CACNB2: variants seen among roughly 807,000 people sequenced by gnomAD.
The protein encoded by CACNB2 is voltage-dependent L-type calcium channel subunit beta-2.
CACNB2 carries 42 observed loss-of-function variants against 73.3 expected under a neutral mutation model. The observed-to-expected ratio is 0.57, with a 90% CI of 0.45 to 0.74. The LOEUF (loss-of-function observed/expected upper bound fraction) is 0.74. CACNB2 is among the 30% of genes least tolerant of loss of function. CACNB2 has a pLI of 0.00. For synonymous variants in CACNB2, 348 were observed against 310.3 expected (o/e 1.12, Z -1.28); for missense variants, 940 against 853.0 (o/e 1.10, Z -1.27).
At chr10:18,264,591 A>C (rs755865471) in intron 2 of CACNB2, among the ~76,000 whole-genome samples, 1 of 152,072 alleles carries the variant, frequency 6.6e-6, no homozygotes, top group Non-Finnish European at 1.5e-5. Flanking sequence ...CTGTTTCTGA[A>C]TTTTATTCAA....
At chr10:18,192,635 T>G (rs2034453340) in intron 2 of CACNB2, among the ~76,000 whole-genome samples, 1 of 152,214 alleles carries the variant, frequency 6.6e-6, no homozygotes, top group South Asian at 2.1e-4. Flanking sequence ...TTAAGCAATT[T>G]CTTCCTATCC....
intron 3 of CACNB2, among the ~76,000 whole-genome samples, chr10:18,418,116 C>T (rs1361822299): frequency 6.6e-6 from 1 of 151,990 alleles, no homozygotes; most frequent in Non-Finnish European, 1.5e-5. Context: ...CGCTCTGTCG[C>T]CAGGCTGGAG....
intron 3 of CACNB2, among the ~76,000 whole-genome samples, chr10:18,426,354 T>G (rs1055339201): frequency 7.2e-5 from 11 of 152,262 alleles, no homozygotes; most frequent in African/African-American, 2.7e-4. Flanking sequence ...TTTTAGTTAC[T>G]ACAGTCTCTC....
intron 2 of CACNB2, among the ~76,000 whole-genome samples, chr10:18,152,397 A>T (rs2031636305): frequency 1.3e-5 from 2 of 152,148 alleles, no homozygotes; most frequent in Non-Finnish European, 2.9e-5. Context: ...AAGAAAAAAG[A>T]TGAAGCCACG....
chr10:18,157,018 C>T (rs566673479), intron 2 of CACNB2, among the ~76,000 whole-genome samples: 24 of 150,744 alleles, frequency 1.6e-4, no homozygotes, highest in Admixed American at 1.1e-3. Flanking sequence ...ACTCAGATTG[C>T]GCCATTGCAC....
chr10:18,341,709 T>G (rs1448869853), intron 2 of CACNB2, among the ~76,000 whole-genome samples: 1 of 152,234 alleles, frequency 6.6e-6, no homozygotes, highest in Non-Finnish European at 1.5e-5. Context: ...ATTAATAGTT[T>G]GTCTAAAAAT....
intron 2 of CACNB2, among the ~76,000 whole-genome samples, chr10:18,266,796 G>T (rs764282682): frequency 2.6e-5 from 4 of 152,160 alleles, no homozygotes; most frequent in African/African-American, 9.6e-5. Context: ...AGGCTGAGGC[G>T]GGAGAATCAC....
chr10:18,342,567 A>T (rs2041275551), intron 2 of CACNB2, among the ~76,000 whole-genome samples: 1 of 152,158 alleles, frequency 6.6e-6, no homozygotes, highest in Non-Finnish European at 1.5e-5. Context: ...CTTTTAAATT[A>T]CTTCTTTCCT....
intron 2 of CACNB2, among the ~76,000 whole-genome samples, chr10:18,172,399 G>C (rs1471908228): frequency 2.0e-5 from 3 of 152,188 alleles, no homozygotes; most frequent in Non-Finnish European, 4.4e-5. Flanking sequence ...CATCTGGAGA[G>C]TTGATTGGAA....
chr10:18,491,050 G>A (rs1026657895), intron 3 of CACNB2, among the ~76,000 whole-genome samples: 2 of 152,126 alleles, frequency 1.3e-5, no homozygotes, highest in South Asian at 2.1e-4. Context: ...ACTGTTCCTG[G>A]TGTTCCCGTG....
chr10:18,398,713 AC>A (rs200864476), intron 2 of CACNB2, among the ~76,000 whole-genome samples: 49 of 143,340 alleles, frequency 3.4e-4, no homozygotes, highest in East Asian at 6.7e-4. Context: ...ACACACACAC[AC>A]AATTGTTTTT....
At chr10:18,498,233 G>T in intron 3 of CACNB2, 122 bp from the exon 4 acceptor site, 10 of 1,191,572 alleles carry the variant, frequency 8.4e-6, no homozygotes, top group Non-Finnish European at 1.1e-5. Flanking sequence ...TAAAGAACCA[G>T]TGCAGAGGGG....
intron 2 of CACNB2, among the ~76,000 whole-genome samples, chr10:18,213,642 G>A (rs1309244951): frequency 6.6e-6 from 1 of 152,180 alleles, no homozygotes; most frequent in African/African-American, 2.4e-5. Flanking sequence ...AACATTATTG[G>A]TGTGTTTTCA....
chr10:18,487,871 C>G (rs1009311091), intron 3 of CACNB2, among the ~76,000 whole-genome samples: 1 of 151,060 alleles, frequency 6.6e-6, no homozygotes, highest in African/African-American at 2.4e-5. Flanking sequence ...GGAAGACATA[C>G]ATGGTCTCAT....
chr10:18,215,845 T>A (rs1010342029), intron 2 of CACNB2, among the ~76,000 whole-genome samples: 1 of 152,092 alleles, frequency 6.6e-6, no homozygotes, highest in Non-Finnish European at 1.5e-5. Flanking sequence ...TGTGGTCTGG[T>A]TTTTCAGTCT....
At chr10:18,187,092 G>A (rs1242137743) in intron 2 of CACNB2, among the ~76,000 whole-genome samples, 1 of 152,108 alleles carries the variant, frequency 6.6e-6, no homozygotes, top group African/African-American at 2.4e-5. Flanking sequence ...TCTAGGCTGG[G>A]TGGTCAGGGA....
intron 3 of CACNB2, among the ~76,000 whole-genome samples, chr10:18,474,170 C>T (rs945197628): frequency 2.0e-5 from 3 of 152,136 alleles, no homozygotes; most frequent in African/African-American, 4.8e-5. Context: ...CGAAGGGGAA[C>T]ATTGCAAATC....
intron 3 of CACNB2, among the ~76,000 whole-genome samples, chr10:18,427,786 A>C (rs1173643984): frequency 6.6e-6 from 1 of 152,084 alleles, no homozygotes; most frequent in Non-Finnish European, 1.5e-5. Flanking sequence ...TTTTCTTACT[A>C]ATCTCTGCAG....
chr10:18,296,049 C>A (rs1385392651), intron 2 of CACNB2, among the ~76,000 whole-genome samples: 1 of 75,954 alleles, frequency 1.3e-5, no homozygotes, highest in Non-Finnish European at 2.5e-5. Context: ...CTGTATCTGT[C>A]TTGATGAATT....
Sources: gnomAD v4.1 joint callset for allele counts (sites outside exome capture counted in the v4.1 genomes callset) on GRCh38, gnomAD v4.1.1 for gene constraint, MANE v1.5 for transcripts, NCBI Gene and HGNC (gene_info 2026-07-23, HGNC 2026-07-21) for gene names.